The following OSMR variants were observed in gnomAD, a reference collection of about 807,000 sequenced individuals.
The protein encoded by OSMR is oncostatin-M-specific receptor subunit beta.
A neutral mutation model predicts 99.9 loss-of-function variants in OSMR; 81 were observed. The ratio of observed to expected loss-of-function variants is 0.81; its 90% CI spans 0.68 to 0.97. OSMR has a LOEUF of 0.97. OSMR is among the 50% of genes least tolerant of loss of function. The pLI is 0.00. For missense variants in OSMR, 1,099 were observed against 1,153.4 expected, an observed-to-expected ratio of 0.95 and a Z score of 0.68; for synonymous variants, 406 against 410.4, an observed-to-expected ratio of 0.99 and a Z score of 0.13.
At chr5:38,880,759 G>T (rs773235299) in intron 3 of OSMR, among the ~76,000 whole-genome samples, 5 of 152,200 alleles carry the variant, frequency 3.3e-5, no homozygotes, top group Admixed American at 1.3e-4. Flanking sequence ...GCAAGGGACT[G>T]GTGGGTTGGA....
At chr5:38,935,914 T>A (rs1174477139), downstream of OSMR, among the ~76,000 whole-genome samples, 1 of 152,228 alleles carries the variant, frequency 6.6e-6, no homozygotes, top group Non-Finnish European at 1.5e-5. Context: ...TGCTGGGCTC[T>A]GTAACATTTG....
chr5:38,876,123 A>G, intron 2 of OSMR, 78 bp from the exon 3 acceptor site: 1 of 1,574,514 alleles, frequency 6.4e-7, no homozygotes, highest in Non-Finnish European at 8.7e-7. Context: ...TAATGATGAT[A>G]TTCAAGTTTA....
chr5:38,892,485 A>G (rs1401297575), intron 7 of OSMR, among the ~76,000 whole-genome samples: 1 of 152,070 alleles, frequency 6.6e-6, no homozygotes, highest in Non-Finnish European at 1.5e-5. Context: ...GGAACTGTGG[A>G]AATACCTATC....
chr5:38,918,217 T>C (rs1448944826), intron 10 of OSMR, among the ~76,000 whole-genome samples: 1 of 152,000 alleles, frequency 6.6e-6, no homozygotes. Flanking sequence ...CCAGTCTGCA[T>C]GTCTGGGTTC....
chr5:38,924,715 TA>T (rs1362381653), intron 14 of OSMR, 120 bp downstream of exon 14: 3 of 911,146 alleles, frequency 3.3e-6, no homozygotes, highest in Non-Finnish European at 5.3e-6. Context: ...TGCATGGCTT[TA>T]TACTGGAAAG....
At chr5:38,944,985 T>C in exon 3 of OSMR, 1 of 1,613,660 alleles carries the variant, frequency 6.2e-7, no homozygotes, top group Non-Finnish European at 8.5e-7. Flanking sequence ...CATCCAGAAA[T>C]CCCCGAAAAC....
Position 38,904,032 on chromosome 5 carries a change from C to T in OSMR, c.1134+8C>T. 10 of 1,613,598 alleles carry T rather than the reference C, an allele frequency of 6.2e-6. No homozygotes were observed. The highest frequency in any genetic ancestry group is 8.5e-6 in the Non-Finnish European group (10 of 1,179,872). ...GAAGGAAAAATGATGCAAGTAAGAA[C>T]CCTGCTTAATTTTCTATTTTCAAAA... On this transcript the variant is annotated splice_region_variant and intron_variant, in intron 8 of 17. Transcript: ENST00000274276.
At chr5:38,917,505 T>C (rs1311276668) in intron 9 of OSMR, 41 bp from the exon 10 acceptor site, 1 of 1,607,498 alleles carries the variant, frequency 6.2e-7, no homozygotes, top group Non-Finnish European at 8.5e-7. Flanking sequence ...TTGCTTTACA[T>C]ACATATTGTG....
At chr5:38,881,207 T>A (rs1394523567) in intron 3 of OSMR, among the ~76,000 whole-genome samples, 4 of 151,450 alleles carry the variant, frequency 2.6e-5, no homozygotes, top group African/African-American at 9.7e-5. Flanking sequence ...TTTTTTTTTT[T>A]AAAGGATGAC....
At chr5:38,910,460 C>G (rs573575724) in intron 9 of OSMR, among the ~76,000 whole-genome samples, 35 of 152,256 alleles carry the variant, frequency 2.3e-4, no homozygotes, top group African/African-American at 8.4e-4. Context: ...CACAATTAGA[C>G]ATAAAACAAT....
chr5:38,862,028 ACTTCCCAGTAGGGGCGG>A (rs1171259571), intron 1 of OSMR, among the ~76,000 whole-genome samples: 5 of 98,104 alleles, frequency 5.1e-5, no homozygotes, highest in African/African-American at 1.6e-4. Context: ...GGGGCTCCTC[ACTTCCCAGTAGGGGCGG>A]CCGGGCAGAG....
intron 15 of OSMR, among the ~76,000 whole-genome samples, chr5:38,928,368 G>A (rs143488238): frequency 5.1e-4 from 78 of 152,212 alleles, no homozygotes; most frequent in African/African-American, 1.8e-3. Context: ...AGAACTGCCC[G>A]ATACTGGGTA....
intron 15 of OSMR, among the ~76,000 whole-genome samples, chr5:38,929,100 G>A (rs1427419623): frequency 6.6e-6 from 1 of 152,056 alleles, no homozygotes; most frequent in African/African-American, 2.4e-5. Context: ...ATACTATTAT[G>A]TGACTAGCAT....
At chr5:38,850,356 A>T (rs1296581629) in intron 1 of OSMR, among the ~76,000 whole-genome samples, 2 of 152,234 alleles carry the variant, frequency 1.3e-5, no homozygotes, top group South Asian at 4.1e-4. Context: ...TTAAAATTAC[A>T]TGCTAAAGAA....
At position 38,874,791 on chromosome 5, in the gene OSMR, T is replaced by C. The variant is rs28645873; in HGVS notation, c.74-1410T>C. The stretch of plus-strand genomic sequence containing the variant: ...CTATTTAATTTCACATTGCTTTGTA[T>C]ATGTTATTTACCCTGATTGAGCTTG... On this transcript the variant is annotated intron_variant, in intron 2 of 17. Coordinates refer to ENST00000274276, the MANE Select transcript of OSMR (RefSeq NM_003999.3). 8.4e-3 allele frequency among the ~76,000 whole-genome samples: 1,284 copies of C among 152,372 alleles called. 19 individuals are homozygous for C. Among genetic ancestry groups the C allele is most frequent in the African/African-American group, 0.028 (1,182 of 41,584 alleles).
intron 7 of OSMR, among the ~76,000 whole-genome samples, chr5:38,901,897 A>G (rs1744915649): frequency 6.6e-6 from 1 of 152,140 alleles, no homozygotes; most frequent in African/African-American, 2.4e-5. Flanking sequence ...GGTCTCCAGT[A>G]CTCAAAGAGG....
chr5:38,848,310 G>A (rs1015385854), intron 1 of OSMR, among the ~76,000 whole-genome samples: 1 of 152,174 alleles, frequency 6.6e-6, no homozygotes, highest in African/African-American at 2.4e-5. Flanking sequence ...TCATGGCCTT[G>A]CTGGAGAAAT....
intron 15 of OSMR, 52 bp downstream of exon 15, chr5:38,925,423 C>A: frequency 1.4e-6 from 2 of 1,479,474 alleles, no homozygotes; most frequent in Non-Finnish European, 1.9e-6. Context: ...GGGAAACTAA[C>A]AAATTACAGA....
chr5:38,865,318 G>A (rs969961724), intron 1 of OSMR, among the ~76,000 whole-genome samples: 1 of 151,992 alleles, frequency 6.6e-6, no homozygotes, highest in African/African-American at 2.4e-5. Context: ...CATGTTTCTT[G>A]TGTCCTTACA....
Sources: allele counts gnomAD v4.1 joint callset (sites outside exome capture counted in the v4.1 genomes callset), GRCh38; gene constraint gnomAD v4.1.1; transcripts MANE v1.5; gene names NCBI Gene and HGNC (gene_info 2026-07-23, HGNC 2026-07-21).